The following TACR1 variants were observed in gnomAD, a reference collection of about 807,000 sequenced individuals.
The protein encoded by TACR1 is substance-P receptor.
Under a neutral mutation model 35.8 loss-of-function variants are expected in TACR1, and 25 were observed. The ratio of observed to expected loss-of-function variants is 0.70; its 90% CI spans 0.51 to 0.98. The LOEUF is 0.98. Among genes scored for constraint, TACR1 ranks in the 50% least tolerant of loss-of-function variants. TACR1 has a pLI of 0.00. For missense variants in TACR1, 478 were observed against 522.9 expected, an observed-to-expected ratio of 0.91 and a Z score of 0.84; for synonymous variants, 195 against 206.7, an observed-to-expected ratio of 0.94 and a Z score of 0.48.
rs112683073 is a variant in TACR1 at position 75,106,356 on chromosome 2, T to G, written c.584+14218A>C. Among the ~76,000 whole-genome samples the G allele has an allele frequency of 4.5e-3, 678 of 150,966 alleles. 3 individuals are homozygous for G. Among genetic ancestry groups the G allele is most frequent in the African/African-American group, 0.015 (610 of 40,404 alleles). ...CATATCTGCTTCTATATTCAGTGTG[T>G]TGTGATATCAGAAATCATGGAACCT... On this transcript the variant is annotated intron_variant, in intron 2 of 4. Coordinates refer to ENST00000305249, the MANE Select transcript of TACR1 (RefSeq NM_001058.4).
chr2:75,121,052 G>T (rs1673961640), intron 1 of TACR1, among the ~76,000 whole-genome samples: 1 of 152,110 alleles, frequency 6.6e-6, no homozygotes, highest in Non-Finnish European at 1.5e-5. Flanking sequence ...CTTGTGCTGG[G>T]GACAGGACAG....
intron 1 of TACR1, among the ~76,000 whole-genome samples, chr2:75,192,218 C>T (rs1675862436): frequency 6.6e-6 from 1 of 151,822 alleles, no homozygotes; most frequent in Non-Finnish European, 1.5e-5. Flanking sequence ...CCAGTAGAGA[C>T]TAATGATGAT....
chr2:75,144,158 A>G (rs1674461810), intron 1 of TACR1, among the ~76,000 whole-genome samples: 1 of 152,212 alleles, frequency 6.6e-6, no homozygotes, highest in South Asian at 2.1e-4. Flanking sequence ...TACTGGGACA[A>G]TAAGTGTGGT....
chr2:75,135,925 A>T (rs1027401495), intron 1 of TACR1, among the ~76,000 whole-genome samples: 2 of 152,152 alleles, frequency 1.3e-5, no homozygotes, highest in Non-Finnish European at 2.9e-5. Flanking sequence ...TCCATTTCGC[A>T]TTCTGTTTCA....
chr2:75,051,473 A>G lies in TACR1; in HGVS notation c.736-26T>C, dbSNP rs899307301. On this transcript the variant is annotated intron_variant, in intron 3 of 4. Transcript: ENST00000305249. ...CTGGCAAGAGGGTGAGACAGGTGAG[A>G]CCACCAGCACATCCCCCTCTCTCAC... The G allele has an allele frequency of 3.1e-6, 5 of 1,612,468 alleles. No individual in the cohort carries two copies. The African/African-American group carries it at 6.7e-5, about 22-fold the overall frequency.
At chr2:75,088,838 C>T (rs1673238643) in intron 2 of TACR1, among the ~76,000 whole-genome samples, 1 of 152,002 alleles carries the variant, frequency 6.6e-6, no homozygotes, top group East Asian at 1.9e-4. Context: ...CTCCTCACTC[C>T]CTGCAATTTC....
chr2:75,077,236 C>T (rs140745583), intron 2 of TACR1, among the ~76,000 whole-genome samples: 1 of 152,280 alleles, frequency 6.6e-6, no homozygotes, highest in Middle Eastern at 3.4e-3. Flanking sequence ...TCCCAAAGTG[C>T]TGGGATTACA....
At chr2:75,087,504 C>T (rs1055508622) in intron 2 of TACR1, among the ~76,000 whole-genome samples, 4 of 152,194 alleles carry the variant, frequency 2.6e-5, no homozygotes, top group African/African-American at 9.7e-5. Context: ...ACAGAACTTA[C>T]TATTAAGAAA....
At chr2:75,186,777 CTG>C (rs1675714947) in intron 1 of TACR1, 2 of 152,248 alleles carry the variant, frequency 1.3e-5, no homozygotes, top group African/African-American at 4.8e-5. Flanking sequence ...TACTCATCAA[CTG>C]TTTTATATAC....
chr2:75,131,898 A>C (rs535770884), intron 1 of TACR1, among the ~76,000 whole-genome samples: 3 of 152,312 alleles, frequency 2.0e-5, no homozygotes, highest in Admixed American at 2.0e-4. Context: ...TTGTAAATCA[A>C]AATATTTTCA....
intron 2 of TACR1, among the ~76,000 whole-genome samples, chr2:75,111,623 C>G (rs1387596377): frequency 6.6e-6 from 1 of 151,856 alleles, no homozygotes; most frequent in Non-Finnish European, 1.5e-5. Context: ...GAATACTATG[C>G]AGCTGTAAAG....
chr2:75,101,952 TAAAAAATA>T (rs1300193196), intron 2 of TACR1, among the ~76,000 whole-genome samples: 14 of 151,458 alleles, frequency 9.2e-5, no homozygotes, highest in East Asian at 1.9e-4. Flanking sequence ...TCTCCAAAAA[TAAAAAATA>T]AAAAAATAAA....
intron 2 of TACR1, among the ~76,000 whole-genome samples, chr2:75,116,257 C>T (rs1023937647): frequency 3.9e-5 from 6 of 152,048 alleles, no homozygotes; most frequent in African/African-American, 9.7e-5. Context: ...GGTCAGCTTG[C>T]CACCACGCAG....
chr2:75,187,746 G>A (rs1675742297), intron 1 of TACR1: 1 of 152,184 alleles, frequency 6.6e-6, no homozygotes, highest in Non-Finnish European at 1.5e-5. Context: ...GCAGGATTGG[G>A]GAGTGCCTCA....
At chr2:75,097,859 G>A (rs1477984938) in intron 2 of TACR1, among the ~76,000 whole-genome samples, 1 of 152,160 alleles carries the variant, frequency 6.6e-6, no homozygotes, top group African/African-American at 2.4e-5. Context: ...GGTAGTACAA[G>A]GCCAGTGGTA....
At chr2:75,061,139 A>G (rs1052173344) in intron 2 of TACR1, among the ~76,000 whole-genome samples, 5 of 151,026 alleles carry the variant, frequency 3.3e-5, no homozygotes, top group South Asian at 4.3e-4. Flanking sequence ...CAAGATGGCC[A>G]TGAGAAGAGA....
At chr2:75,165,678 C>T (rs1342510490) in intron 1 of TACR1, among the ~76,000 whole-genome samples, 1 of 152,136 alleles carries the variant, frequency 6.6e-6, no homozygotes, top group Non-Finnish European at 1.5e-5. Flanking sequence ...GACTTCTCTG[C>T]CCCTAAAAGT....
In TACR1 at chr2:75,048,327, C is replaced by G. The variant is rs1672398786; in HGVS notation, c.*1105G>C. The G allele has an allele frequency of 6.6e-6, 1 of 152,250 alleles. No individual in the cohort carries two copies. The highest frequency in any genetic ancestry group is 6.5e-5 in the Admixed American group (1 of 15,290). 9.4% of individuals were successfully genotyped at this position (152,250 alleles called of 1,614,324 possible). On this transcript the variant is annotated 3_prime_UTR_variant, in exon 5 of 5. Transcript: ENST00000305249. Reference sequence around the variant, plus strand: ...AGCAGGGAGCCCACATTTGTCTTCTCTGACAGTGTTCTGCAGCTATGAAAT... The same window carrying G: ...AGCAGGGAGCCCACATTTGTCTTCTGTGACAGTGTTCTGCAGCTATGAAAT...
At chr2:75,073,357 G>T (rs1672918412) in intron 2 of TACR1, among the ~76,000 whole-genome samples, 1 of 152,234 alleles carries the variant, frequency 6.6e-6, no homozygotes, top group African/African-American at 2.4e-5. Context: ...GAGAAGAATG[G>T]AGTAGTAGGT....
Sources: gnomAD v4.1 joint callset for allele counts (sites outside exome capture counted in the v4.1 genomes callset) on GRCh38, gnomAD v4.1.1 for gene constraint, MANE v1.5 for transcripts, NCBI Gene and HGNC (gene_info 2026-07-23, HGNC 2026-07-21) for gene names.